Variants in FNDC1 observed in about 807,000 individuals in gnomAD.
FNDC1 encodes fibronectin type III domain containing 1.
FNDC1 carries 96 observed loss-of-function variants against 168.0 expected under a neutral mutation model. That is an observed-to-expected ratio of 0.57 (90% CI 0.48 to 0.68). The LOEUF (loss-of-function observed/expected upper bound fraction) is 0.68. FNDC1 is among the 30% of genes least tolerant of loss of function. The pLI is 0.00. For synonymous variants in FNDC1, 1,099 were observed against 1,025.9 expected (o/e 1.07, Z -1.36); for missense variants, 2,587 against 2,482.1 (o/e 1.04, Z -0.90).
chr6:159,193,289 G>A (rs915459858), intron 1 of FNDC1, among the ~76,000 whole-genome samples: 9 of 152,060 alleles, frequency 5.9e-5, no homozygotes, highest in African/African-American at 9.7e-5. Flanking sequence ...ATTTCTTTTC[G>A]TCACCGGAAC....
chr6:159,242,689 G>A lies in FNDC1; in HGVS notation c.4621+2732G>A, dbSNP rs187101887. On this transcript the variant is annotated intron_variant, in intron 14 of 22. Coordinates refer to ENST00000297267, the MANE Select transcript of FNDC1 (RefSeq NM_032532.3). ...GAAACTCCGTACTCATTAGCAGTCA[G>A]CCCTCATTCCTCCCTCCTCCCAACC... Among the ~76,000 whole-genome samples, 519 of 152,112 alleles carry A rather than the reference G, an allele frequency of 3.4e-3. 4 individuals are homozygous for A. Among genetic ancestry groups the A allele is most frequent in the African/African-American group, 0.012 (491 of 41,500 alleles).
intron 5 of FNDC1, among the ~76,000 whole-genome samples, chr6:159,217,834 A>C (rs1782737888): frequency 1.3e-5 from 2 of 152,182 alleles, no homozygotes; most frequent in African/African-American, 4.8e-5. Context: ...GCAGGAAGCA[A>C]AAGTAGAAAC....
In FNDC1 at chr6:159,207,763, T is replaced by G. The variant is rs114836305; in HGVS notation, c.460+7182T>G. ...CGTTCAACAAAACAAGGTCTTTGAT[T>G]GCCAGAAAACAACTGCATTACTTAC... On this transcript the variant is annotated intron_variant, in intron 4 of 22. Coordinates refer to ENST00000297267, the MANE Select transcript of FNDC1 (RefSeq NM_032532.3). 8.7e-3 allele frequency among the ~76,000 whole-genome samples: 1,318 copies of G among 152,352 alleles called. 22 individuals carry two copies. Among genetic ancestry groups the G allele is most frequent in the African/African-American group, 0.03 (1,267 of 41,576 alleles).
intron 6 of FNDC1, among the ~76,000 whole-genome samples, chr6:159,222,858 C>T (rs144815970): frequency 6.6e-6 from 1 of 152,238 alleles, no homozygotes; most frequent in Non-Finnish European, 1.5e-5. Flanking sequence ...TATTATTTTC[C>T]AGAAGCTTAC....
At chr6:159,267,451 C>T (rs1190711431) in intron 21 of FNDC1, among the ~76,000 whole-genome samples, 1 of 152,152 alleles carries the variant, frequency 6.6e-6, no homozygotes, top group African/African-American at 2.4e-5. Context: ...GACCTTCCTG[C>T]CTTTCATAGT....
rs149637084 is a variant in FNDC1, at chr6:159,194,537, T to C, written c.110-2894T>C. Among the ~76,000 whole-genome samples, 5 of 152,366 alleles carry C rather than the reference T, an allele frequency of 3.3e-5. No individual in the cohort carries two copies. In the East Asian group the frequency reaches 9.6e-4, roughly 29 times the overall value. ...ACTTTGTCATATTTCATCTTTATGC[T>C]ATCAGAGTGCTGATTCCATAACACA... is the stretch of plus-strand genomic sequence containing the variant. On this transcript the variant is annotated intron_variant, in intron 1 of 22. Transcript: ENST00000297267.
chr6:159,265,715 G>A (rs746657141), intron 20 of FNDC1, among the ~76,000 whole-genome samples: 3 of 152,086 alleles, frequency 2.0e-5, no homozygotes, highest in Non-Finnish European at 4.4e-5. Flanking sequence ...GGATTGCGAG[G>A]TCAGGAGTTT....
chr6:159,209,784 T>A (rs1782560305), intron 4 of FNDC1, among the ~76,000 whole-genome samples: 1 of 152,198 alleles, frequency 6.6e-6, no homozygotes, highest in Non-Finnish European at 1.5e-5. Flanking sequence ...CCTTTCCCTT[T>A]CTTTTTCTTT....
At chr6:159,266,901 G>C (rs1482252977) in intron 21 of FNDC1, among the ~76,000 whole-genome samples, 1 of 151,532 alleles carries the variant, frequency 6.6e-6, no homozygotes, top group African/African-American at 2.4e-5. Flanking sequence ...AGAATAATTC[G>C]AGTGCTTTGA....
At chr6:159,174,819 A>G (rs950645234) in intron 1 of FNDC1, among the ~76,000 whole-genome samples, 4 of 152,224 alleles carry the variant, frequency 2.6e-5, no homozygotes, top group African/African-American at 9.6e-5. Flanking sequence ...CAGCTGGAAG[A>G]TGGGGTGAGA....
chr6:159,247,217 C>A (rs919548481), intron 15 of FNDC1, among the ~76,000 whole-genome samples: 2 of 152,144 alleles, frequency 1.3e-5, no homozygotes, highest in African/African-American at 4.8e-5. Context: ...GGTCCCTGTG[C>A]TCCCCGTTCC....
chr6:159,236,598 A>C lies in FNDC1; in HGVS notation c.4068+283A>C, dbSNP rs530435440. Among the ~76,000 whole-genome samples, 44 of 152,374 alleles carry C rather than the reference A, an allele frequency of 2.9e-4. 1 individual carries two copies. In the South Asian group the frequency reaches 6.8e-3, roughly 24 times the overall value. On this transcript the variant is annotated intron_variant, in intron 12 of 22. Transcript: ENST00000297267. ...GGTCAAATGAATGCATGGCCCAACC[A>C]TAGCAATTATAGACCCAATGGATGG...
intron 17 of FNDC1, among the ~76,000 whole-genome samples, chr6:159,252,926 A>G (rs1363011178): frequency 6.6e-6 from 1 of 152,226 alleles, no homozygotes; most frequent in Admixed American, 6.5e-5. Context: ...CCCACCAAAC[A>G]CGCCTCAAGG....
Position 159,234,193 on chromosome 6 carries a change from C to T in FNDC1, c.3681C>T (p.Ala1227=). The change falls in exon 11 of 23, where the codon GCC becomes GCT. Residue 1227 remains alanine (A), a synonymous_variant. Transcript: ENST00000297267. ...TCGCCAAGGAAGAGAGGGAGCCTGC[C>T]ATCGCGCTTGCCCCTCGCGGAGGGA... ...GSLAKEEREP[A]IALAPRGGSL... is the part of the protein sequence containing the mutation. 6.3e-7 allele frequency: 1 copy of T among 1,598,902 alleles called. No individual in the cohort carries two copies. The highest frequency in any genetic ancestry group is 8.5e-7 in the Non-Finnish European group (1 of 1,172,748).
intron 20 of FNDC1, 139 bp downstream of exon 20, chr6:159,265,143 T>C: frequency 1.5e-6 from 1 of 686,254 alleles, no homozygotes; most frequent in Non-Finnish European, 2.5e-6. Flanking sequence ...TTCCTTGCAC[T>C]CGTCATCCTG....
intron 1 of FNDC1, among the ~76,000 whole-genome samples, chr6:159,190,664 C>G (rs1185516658): frequency 6.6e-6 from 1 of 152,214 alleles, no homozygotes; most frequent in African/African-American, 2.4e-5. Flanking sequence ...GCTTTGTCAG[C>G]AATAAACCTG....
At chr6:159,172,041 G>C (rs980495348) in intron 1 of FNDC1, among the ~76,000 whole-genome samples, 6 of 152,114 alleles carry the variant, frequency 3.9e-5, no homozygotes, top group Non-Finnish European at 8.8e-5. Context: ...TGAATTTTGG[G>C]GGGACTTTGC....
chr6:159,176,666 C>T (rs1781767696), intron 1 of FNDC1, among the ~76,000 whole-genome samples: 1 of 152,158 alleles, frequency 6.6e-6, no homozygotes, highest in Non-Finnish European at 1.5e-5. Flanking sequence ...AGGAGGCACC[C>T]AGCTCAGGAA....
intron 6 of FNDC1, among the ~76,000 whole-genome samples, chr6:159,221,938 G>A (rs1323049825): frequency 6.6e-6 from 1 of 152,198 alleles, no homozygotes; most frequent in Non-Finnish European, 1.5e-5. Flanking sequence ...CAGCAGATTT[G>A]CTGCGATAGG....
Sources: allele counts gnomAD v4.1 joint callset (sites outside exome capture counted in the v4.1 genomes callset), GRCh38; gene constraint gnomAD v4.1.1; transcripts MANE v1.5; gene names NCBI Gene and HGNC (gene_info 2026-07-23, HGNC 2026-07-21).